The following OTUD7A variants were observed in gnomAD, a reference collection of about 807,000 sequenced individuals.
OTUD7A encodes the protein OTU domain-containing protein 7A.
A neutral mutation model predicts 65.7 loss-of-function variants in OTUD7A; 12 were observed. The observed-to-expected ratio is 0.18, with a 90% CI of 0.12 to 0.30. OTUD7A has a LOEUF of 0.30. Among genes scored for constraint, OTUD7A ranks in the 10% least tolerant of loss-of-function variants. The pLI, the probability that OTUD7A is intolerant of heterozygous loss-of-function variation, is 1.00. For synonymous variants in OTUD7A, 641 were observed against 586.3 expected, an observed-to-expected ratio of 1.09 and a Z score of -1.35; for missense variants, 1,148 against 1,304.8, an observed-to-expected ratio of 0.88 and a Z score of 1.85.
intron 1 of OTUD7A, among the ~76,000 whole-genome samples, chr15:31,680,462 T>C (rs1892686557): frequency 6.6e-6 from 1 of 152,190 alleles, no homozygotes; most frequent in African/African-American, 2.4e-5. Flanking sequence ...ATCATGAAAG[T>C]GTCTCTAAGA....
intron 3 of OTUD7A, among the ~76,000 whole-genome samples, chr15:31,646,118 T>G (rs1389557538): frequency 6.6e-6 from 1 of 151,676 alleles, no homozygotes; most frequent in Non-Finnish European, 1.5e-5. Flanking sequence ...CTTCTGGTTG[T>G]TTTTTTGCTC....
intron 1 of OTUD7A, among the ~76,000 whole-genome samples, chr15:31,793,500 T>G (rs1313840170): frequency 6.6e-6 from 1 of 152,228 alleles, no homozygotes; most frequent in Non-Finnish European, 1.5e-5. Context: ...GCATTCCTTC[T>G]ACTTATTTTG....
intron 1 of OTUD7A, among the ~76,000 whole-genome samples, chr15:31,867,173 C>A (rs1342132600): frequency 2.0e-5 from 3 of 152,188 alleles, no homozygotes; most frequent in Admixed American, 6.5e-5. Flanking sequence ...TCCCAGGGAA[C>A]ATGTGGTTGA....
At chr15:31,612,084 T>C (rs543394837) in intron 3 of OTUD7A, among the ~76,000 whole-genome samples, 28 of 152,260 alleles carry the variant, frequency 1.8e-4, no homozygotes, top group South Asian at 4.1e-4. Flanking sequence ...GAAAAAGCAT[T>C]TGACAAATCC....
chr15:31,711,525 ACT>A lies in OTUD7A; in HGVS notation c.-99-54450_-99-54449del, dbSNP rs925250522. 7.4e-5 allele frequency among the ~76,000 whole-genome samples: 11 copies of A among 149,076 alleles called. No individual in the cohort carries two copies. The South Asian group carries it at 2.2e-3, about 29-fold the overall frequency. On this transcript the variant is annotated intron_variant, in intron 1 of 12. Coordinates refer to ENST00000307050, the MANE Select transcript of OTUD7A (RefSeq NM_001382637.1). ...CTATAAATCACCTTGAAGACACCTGACTCTCCAGGAGGATTAAATTCTAAATT... is the reference window on the plus strand; with the variant it reads ...CTATAAATCACCTTGAAGACACCTGACTCCAGGAGGATTAAATTCTAAATT...
At chr15:31,820,632 C>A (rs1184188660) in intron 1 of OTUD7A, among the ~76,000 whole-genome samples, 2 of 152,194 alleles carry the variant, frequency 1.3e-5, no homozygotes, top group African/African-American at 4.8e-5. Flanking sequence ...CTGGCCCCAC[C>A]ATTTTCTGGT....
At chr15:31,853,906 G>A (rs1436972534) in intron 1 of OTUD7A, among the ~76,000 whole-genome samples, 4 of 152,208 alleles carry the variant, frequency 2.6e-5, no homozygotes, top group South Asian at 2.1e-4. Flanking sequence ...ACAGAAGAGA[G>A]GGTAGGGAAG....
At chr15:31,674,951 A>C (rs867356566) in intron 1 of OTUD7A, among the ~76,000 whole-genome samples, 1 of 152,074 alleles carries the variant, frequency 6.6e-6, no homozygotes, top group Non-Finnish European at 1.5e-5. Context: ...TAGACAGTCC[A>C]CCCGTGGACT....
At chr15:31,839,376 A>C (rs750182304) in intron 1 of OTUD7A, among the ~76,000 whole-genome samples, 6 of 152,182 alleles carry the variant, frequency 3.9e-5, no homozygotes, top group Non-Finnish European at 7.4e-5. Context: ...GATGGTATCC[A>C]TGGGGCCAGG....
At chr15:31,700,132 C>T (rs1893180407) in intron 1 of OTUD7A, among the ~76,000 whole-genome samples, 1 of 151,972 alleles carries the variant, frequency 6.6e-6, no homozygotes, top group African/African-American at 2.4e-5. Flanking sequence ...ACTGTGAACT[C>T]TTCCTTATAC....
intron 1 of OTUD7A, among the ~76,000 whole-genome samples, chr15:31,751,711 C>T (rs1289219307): frequency 6.6e-6 from 1 of 152,108 alleles, no homozygotes; most frequent in Non-Finnish European, 1.5e-5. Flanking sequence ...GTTTCATATA[C>T]ACCATGGAAT....
At chr15:31,528,301 C>T (rs2141119840) in intron 6 of OTUD7A, among the ~76,000 whole-genome samples, 1 of 152,286 alleles carries the variant, frequency 6.6e-6, no homozygotes, top group South Asian at 2.1e-4. Context: ...AGCCAAGTTG[C>T]TGTCCCAGCA....
chr15:31,522,015 T>C (rs1192611203), intron 8 of OTUD7A, among the ~76,000 whole-genome samples: 1 of 152,252 alleles, frequency 6.6e-6, no homozygotes, highest in Non-Finnish European at 1.5e-5. Flanking sequence ...CTACTCCTCA[T>C]GCCTGGTCTG....
chr15:31,495,382 C>T (rs923954433), intron 10 of OTUD7A, among the ~76,000 whole-genome samples: 2 of 152,200 alleles, frequency 1.3e-5, no homozygotes, highest in South Asian at 4.1e-4. Flanking sequence ...AGCTCCATAG[C>T]CATGAAGTCC....
At chr15:31,635,908 G>A (rs1315289990) in intron 3 of OTUD7A, among the ~76,000 whole-genome samples, 1 of 152,256 alleles carries the variant, frequency 6.6e-6, no homozygotes, top group Non-Finnish European at 1.5e-5. Flanking sequence ...CCACTTGCCA[G>A]CTGGTCTCCG....
chr15:31,538,526 G>A (rs960048287), intron 5 of OTUD7A, among the ~76,000 whole-genome samples: 2 of 152,082 alleles, frequency 1.3e-5, no homozygotes, highest in Non-Finnish European at 2.9e-5. Context: ...ACTTGCCCAC[G>A]ATCCGCTGAC....
rs35388320 is a variant in OTUD7A at position 31,757,353 on chromosome 15, T to TTA, written c.-99-100278_-99-100277dup. On this transcript the variant is annotated intron_variant, in intron 1 of 12. Coordinates refer to ENST00000307050, the MANE Select transcript of OTUD7A (RefSeq NM_001382637.1). ...GGGATGAAATGAAATAATATATATATTATATATATATATACGTTTATATAT... is the reference window on the plus strand; with the variant it reads ...GGGATGAAATGAAATAATATATATATTATATATATATATATACGTTTATATAT... Among the ~76,000 whole-genome samples the TTA allele has an allele frequency of 3.3e-3, 494 of 147,514 alleles. 3 individuals are homozygous for TTA. The highest frequency in any genetic ancestry group is 0.011 in the South Asian group (51 of 4,700).
intron 8 of OTUD7A, among the ~76,000 whole-genome samples, chr15:31,515,384 G>C (rs2041829348): frequency 6.6e-6 from 1 of 152,072 alleles, no homozygotes; most frequent in South Asian, 2.1e-4. Flanking sequence ...TCAGTATTGG[G>C]CACCTTTGTA....
chr15:31,670,200 G>T (rs540731261), intron 1 of OTUD7A, among the ~76,000 whole-genome samples: 2 of 151,290 alleles, frequency 1.3e-5, no homozygotes, highest in Non-Finnish European at 2.9e-5. Context: ...CATTTGGGTT[G>T]ATTCCATGTC....
Sources: allele counts gnomAD v4.1 joint callset (sites outside exome capture counted in the v4.1 genomes callset), GRCh38; gene constraint gnomAD v4.1.1; transcripts MANE v1.5; gene names NCBI Gene and HGNC (gene_info 2026-07-23, HGNC 2026-07-21).